Variants in NKAIN2 observed in about 807,000 individuals in gnomAD.
The protein encoded by NKAIN2 is sodium/potassium transporting ATPase interacting 2.
NKAIN2 carries 14 observed loss-of-function variants against 32.6 expected under a neutral mutation model. The observed-to-expected ratio is 0.43, with a 90% CI of 0.28 to 0.67. NKAIN2 has a LOEUF of 0.67. Ranked by LOEUF, NKAIN2 falls within the 30% of genes least tolerant of loss-of-function variation. The probability of loss-of-function intolerance (pLI) is 0.17; values close to 1 mark genes in which losing one functional copy is unlikely to be tolerated. For missense variants in NKAIN2, 198 were observed against 258.3 expected, an observed-to-expected ratio of 0.77 and a Z score of 1.60; for synonymous variants, 80 against 87.2, an observed-to-expected ratio of 0.92 and a Z score of 0.46.
rs1778034130 is a variant in NKAIN2, at chr6:124,495,604, CT to C, written c.273+140258del. On this transcript the variant is annotated intron_variant, in intron 3 of 6. Coordinates refer to ENST00000368417, the MANE Select transcript of NKAIN2 (RefSeq NM_001040214.3). ...CTGACCACACTTTGAGGAGCAAGGT[CT>C]GAGCTCTGAGCTGCATATCCTTTGT... Among the ~76,000 whole-genome samples, 3 of 152,262 alleles carry C rather than the reference CT, an allele frequency of 2.0e-5. No individual in the cohort carries two copies. The South Asian group carries it at 6.2e-4, about 32-fold the overall frequency.
chr6:124,409,336 T>C (rs917218449), intron 3 of NKAIN2, among the ~76,000 whole-genome samples: 20 of 152,108 alleles, frequency 1.3e-4, no homozygotes, highest in Non-Finnish European at 2.4e-4. Flanking sequence ...GGGTTTGTCA[T>C]AGATAGCTCT....
At chr6:124,452,206 A>G (rs1450968644) in intron 3 of NKAIN2, among the ~76,000 whole-genome samples, 9 of 151,918 alleles carry the variant, frequency 5.9e-5, no homozygotes, top group Admixed American at 5.9e-4. Context: ...AAAAAAAAAA[A>G]AAAAACTGAC....
chr6:124,054,844 G>A (rs79526760), intron 1 of NKAIN2, among the ~76,000 whole-genome samples: 1,863 of 151,996 alleles, frequency 0.012, 38 homozygotes, highest in African/African-American at 0.043. Flanking sequence ...CTTTGTTACT[G>A]CCCTTCCTCT....
At chr6:123,860,394 C>A (rs564590073) in intron 1 of NKAIN2, among the ~76,000 whole-genome samples, 1 of 152,058 alleles carries the variant, frequency 6.6e-6, no homozygotes, top group Non-Finnish European at 1.5e-5. Flanking sequence ...GTGTTCCTAG[C>A]GTTTAAAGTA....
At chr6:124,690,157 T>C (rs1774188772) in intron 4 of NKAIN2, among the ~76,000 whole-genome samples, 1 of 152,148 alleles carries the variant, frequency 6.6e-6, no homozygotes. Context: ...CATATAAATC[T>C]TGTACATATT....
intron 1 of NKAIN2, among the ~76,000 whole-genome samples, chr6:124,184,149 T>C (rs758131642): frequency 2.0e-5 from 3 of 152,130 alleles, no homozygotes; most frequent in African/African-American, 4.8e-5. Context: ...GAATCTAACT[T>C]ATCAAACTTA....
intron 1 of NKAIN2, among the ~76,000 whole-genome samples, chr6:124,256,888 T>G (rs968321507): frequency 7.8e-5 from 8 of 102,904 alleles, no homozygotes; most frequent in Middle Eastern, 4.3e-3. Flanking sequence ...TTCTGTTGTT[T>G]TTTTTTTTTT....
At chr6:123,821,045 G>A (rs991912172) in intron 1 of NKAIN2, among the ~76,000 whole-genome samples, 12 of 152,142 alleles carry the variant, frequency 7.9e-5, no homozygotes, top group Non-Finnish European at 1.8e-4. Flanking sequence ...GGTTTACACC[G>A]AGGACATTGA....
Position 124,290,055 on chromosome 6 carries a change from C to CAAAA in NKAIN2, c.192+6919_192+6922dup, listed in dbSNP as rs10681237. On this transcript the variant is annotated intron_variant, in intron 2 of 6. Transcript: ENST00000368417. ...ATAAGCCTGGAAGGGAGGGAGAAAA[C>CAAAA]AAAAAAAAACATCATTACAAGTTTA... is the stretch of plus-strand genomic sequence containing the variant. Among the ~76,000 whole-genome samples, 16 of 149,108 alleles carry CAAAA rather than the reference C, an allele frequency of 1.1e-4. No individual in the cohort carries two copies. The East Asian group carries it at 1.6e-3, about 15-fold the overall frequency.
intron 3 of NKAIN2, among the ~76,000 whole-genome samples, chr6:124,359,461 G>T (rs1349240784): frequency 6.6e-6 from 1 of 152,148 alleles, no homozygotes; most frequent in Non-Finnish European, 1.5e-5. Flanking sequence ...GCAGTGGTTT[G>T]TAGTTCTCTT....
chr6:124,435,480 T>C (rs1775402704), intron 3 of NKAIN2, among the ~76,000 whole-genome samples: 1 of 152,194 alleles, frequency 6.6e-6, no homozygotes, highest in Non-Finnish European at 1.5e-5. Flanking sequence ...ATTAAATCTT[T>C]CGATTCTCAC....
chr6:124,229,869 G>T (rs1213006189), intron 1 of NKAIN2, among the ~76,000 whole-genome samples: 2 of 152,094 alleles, frequency 1.3e-5, no homozygotes, highest in Non-Finnish European at 2.9e-5. Flanking sequence ...CCAGTCTCAG[G>T]TATGTCTTTA....
intron 1 of NKAIN2, among the ~76,000 whole-genome samples, chr6:123,934,097 C>T (rs1001564114): frequency 4.6e-5 from 7 of 152,160 alleles, no homozygotes; most frequent in African/African-American, 1.7e-4. Context: ...CTGAAATCAA[C>T]AACAACTACT....
intron 1 of NKAIN2, among the ~76,000 whole-genome samples, chr6:124,142,746 T>C (rs1787206615): frequency 6.6e-6 from 1 of 152,240 alleles, no homozygotes; most frequent in African/African-American, 2.4e-5. Context: ...AATTAGGGGA[T>C]TACTATATTC....
intron 3 of NKAIN2, among the ~76,000 whole-genome samples, chr6:124,480,131 A>G (rs556127821): frequency 1.8e-4 from 28 of 152,314 alleles, no homozygotes; most frequent in African/African-American, 6.7e-4. Flanking sequence ...TTACATAGAC[A>G]TTGCTCATAC....
chr6:124,647,518 A>AG (rs1229201508), intron 3 of NKAIN2, among the ~76,000 whole-genome samples: 146 of 151,056 alleles, frequency 9.7e-4, no homozygotes, highest in Non-Finnish European at 1.4e-3. Flanking sequence ...AAAAAAAAAA[A>AG]AAGACTTCAA....
chr6:124,764,249 T>TA (rs1156790233), intron 4 of NKAIN2, among the ~76,000 whole-genome samples: 1 of 151,868 alleles, frequency 6.6e-6, no homozygotes, highest in Non-Finnish European at 1.5e-5. Flanking sequence ...ACAGGCAGAT[T>TA]TTTTATAGGT....
intron 1 of NKAIN2, among the ~76,000 whole-genome samples, chr6:123,897,498 A>G (rs566377770): frequency 6.6e-6 from 1 of 152,224 alleles, no homozygotes; most frequent in East Asian, 1.9e-4. Context: ...CACTTCAAAT[A>G]CAGCAGGTGT....
At chr6:124,728,851 C>A (rs1183758222) in intron 4 of NKAIN2, among the ~76,000 whole-genome samples, 1 of 151,388 alleles carries the variant, frequency 6.6e-6, no homozygotes, top group African/African-American at 2.4e-5. Context: ...ATCTAATAGA[C>A]GCAATAAAAA....
Sources: gnomAD v4.1 joint callset for allele counts (sites outside exome capture counted in the v4.1 genomes callset) on GRCh38, gnomAD v4.1.1 for gene constraint, MANE v1.5 for transcripts, NCBI Gene and HGNC (gene_info 2026-07-23, HGNC 2026-07-21) for gene names.